ZNF726: variants seen among roughly 807,000 people sequenced by gnomAD.
ZNF726 encodes zinc finger protein 92 pseudogene 3.
In ZNF726, 15 loss-of-function variants were observed where a neutral mutation model predicts 11.6. The ratio of observed to expected loss-of-function variants is 1.29; its 90% confidence interval spans 0.86 to 1.99. The LOEUF (loss-of-function observed/expected upper bound fraction) is 1.99. Among genes scored for constraint, ZNF726 ranks in the 30% most tolerant of loss-of-function variants. The pLI is 0.00. For missense variants in ZNF726, 890 were observed against 725.6 expected (o/e 1.23, Z -2.60); for synonymous variants, 295 against 243.6 (o/e 1.21, Z -1.96).
chr19:23,920,203 A>C lies in ZNF726; in HGVS notation c.226+121A>C. The C allele has an allele frequency of 5.0e-6, 3 of 603,464 alleles. No individual in the cohort carries two copies. In the South Asian group the frequency reaches 5.1e-5, roughly 10 times the overall value. The allele number at this position is 603,464 out of a possible 1,614,324, so 37.4% of individuals were successfully genotyped here. On this transcript the variant is annotated intron_variant, in intron 3 of 3. Coordinates refer to ENST00000594466, the MANE Select transcript of ZNF726 (RefSeq NM_001244038.2). Reference sequence around the variant, plus strand: ...AGGAAACCGTTTCTGGAAAGCCTGAAATTTAAAAAAAAATATACTCTCAGA... The same window carrying C: ...AGGAAACCGTTTCTGGAAAGCCTGACATTTAAAAAAAAATATACTCTCAGA...
chr19:23,919,958 A>G, intron 2 of ZNF726, 29 bp from the exon 3 acceptor site: 2 of 1,482,800 alleles, frequency 1.3e-6, no homozygotes, highest in Non-Finnish European at 9.2e-7. Context: ...TATGAGCAAG[A>G]TTCATGTTAA....
downstream of ZNF726, among the ~76,000 whole-genome samples, chr19:23,937,564 G>A (rs1360896008): frequency 6.7e-6 from 1 of 150,364 alleles, no homozygotes; most frequent in East Asian, 2.0e-4. Context: ...GGGCAGAGAC[G>A]CTCCTCACTT....
At chr19:23,923,316 G>A (rs1334904825) in intron 3 of ZNF726, 1 of 347,356 alleles carries the variant, frequency 2.9e-6, no homozygotes, top group African/African-American at 2.3e-5. Flanking sequence ...TCTTTTAAAT[G>A]CTTATCTATT....
chr19:23,926,148 T>C (rs111809131), intron 3 of ZNF726, among the ~76,000 whole-genome samples: 1,740 of 152,262 alleles, frequency 0.011, 15 homozygotes, highest in Non-Finnish European at 0.017. Context: ...TGTTGAAGTG[T>C]AGTGTAGTTA....
At chr19:23,936,708 C>CT (rs60242417), downstream of ZNF726, among the ~76,000 whole-genome samples, 72 of 146,642 alleles carry the variant, frequency 4.9e-4, no homozygotes, top group South Asian at 7.0e-3. Context: ...GAAAGAAAAA[C>CT]TTTTTTTTTT....
intron 3 of ZNF726, chr19:23,921,294 T>C (rs1967845024): frequency 6.6e-6 from 1 of 152,026 alleles, no homozygotes; most frequent in African/African-American, 2.4e-5. Context: ...AGACTCTCTC[T>C]CGATGTATAT....
rs947140643 is a variant in ZNF726, at chr19:23,933,469, A to C, written c.1353A>C (p.Lys451Asn). ...ATAAGAAAATTCATACTAGAGAGAA[A>C]CCCTACAAATGTGAAGAATGTAGTA... is the stretch of plus-strand genomic sequence containing the variant. ...TEHKKIHTRE[K>N]PYKCEECSKA... Residue 451 changes from lysine (K) to asparagine (N), a missense_variant, in exon 4 of 4, where the codon AAA (lysine) becomes AAC (asparagine). Coordinates refer to ENST00000594466, the MANE Select transcript of ZNF726 (RefSeq NM_001244038.2). 6.2e-7 allele frequency: 1 copy of C among 1,612,352 alleles called. No individual in the cohort carries two copies. Among genetic ancestry groups the C allele is most frequent in the Admixed American group, 1.7e-5 (1 of 59,870 alleles).
In ZNF726 at chr19:23,933,040, T is replaced by G; in HGVS notation, c.924T>G (p.Ile308Met). Residue 308 changes from isoleucine to methionine, a missense_variant, in exon 4 of 4, where the codon ATT becomes ATG. Physicochemically the swap from Ile to Met is conservative, Grantham distance 10. Coordinates refer to ENST00000594466, the MANE Select transcript of ZNF726 (RefSeq NM_001244038.2). ...SALTIHKRMH[I>M]GEKPYKCEEC... ...TAACCATACATAAGAGGATGCACATTGGAGAGAAACCCTACAAATGTGAAG... is the reference window on the plus strand; with the variant it reads ...TAACCATACATAAGAGGATGCACATGGGAGAGAAACCCTACAAATGTGAAG... 6.2e-7 allele frequency: 1 copy of G among 1,613,574 alleles called. No homozygotes were observed. Among genetic ancestry groups the G allele is most frequent in the Non-Finnish European group, 8.5e-7 (1 of 1,179,960 alleles).
At chr19:23,934,498 C>CT (rs1028133503), downstream of ZNF726, 97 of 377,198 alleles carry the variant, frequency 2.6e-4, 1 homozygote, top group South Asian at 1.2e-3. Flanking sequence ...GGAAATCTTT[C>CT]TTTTTTTTCC....
At position 23,932,496 on chromosome 19, in the gene ZNF726, A is replaced by G; in HGVS notation, c.380A>G (p.Lys127Arg). The G allele has an allele frequency of 6.3e-7, 1 of 1,589,018 alleles. No homozygotes were observed. The highest frequency in any genetic ancestry group is 8.5e-7 in the Non-Finnish European group (1 of 1,171,978). ...CKSVDECKVH[K>R]EGYNGLNQCF... ...AGTGTGGATGAGTGTAAGGTACACA[A>G]AGAAGGTTATAATGGACTTAACCAG... Residue 127 changes from lysine (K) to arginine (R), a missense_variant, in exon 4 of 4, where the codon AAA becomes AGA. Transcript: ENST00000594466.
rs767016173 is a variant in ZNF726, at chr19:23,932,459, A to T, written c.343A>T (p.Lys115Ter). 2 of 1,576,522 alleles carry T rather than the reference A, an allele frequency of 1.3e-6. No homozygotes were observed. Among genetic ancestry groups the T allele is most frequent in the Admixed American group, 1.9e-5 (1 of 53,044 alleles). ...KCGHENLQLR[K>*]GCKSVDECKV... ...TGGACATGAGAATTTACAGTTAAGA[A>T]AAGGTTGTAAAAGTGTGGATGAGTG... Residue 115 changes from lysine to a stop codon, truncating the protein, a stop_gained, in exon 4 of 4, where the codon AAA (lysine) becomes TAA (stop). Transcript: ENST00000594466. LOFTEE classifies it low-confidence loss of function (END_TRUNC).
intron 3 of ZNF726, among the ~76,000 whole-genome samples, chr19:23,929,990 C>T (rs62114221): frequency 0.1 from 15,716 of 152,130 alleles, 967 homozygotes; most frequent in Middle Eastern, 0.2. Flanking sequence ...TGTAGAGTCT[C>T]ACTGTATTAC....
intron 1 of ZNF726, among the ~76,000 whole-genome samples, chr19:23,917,080 A>G (rs780921199): frequency 1.3e-5 from 2 of 152,208 alleles, no homozygotes; most frequent in Non-Finnish European, 2.9e-5. Flanking sequence ...TCTCCCAAGT[A>G]GGTGGGATTA....
At chr19:23,920,702 C>T (rs7246756) in intron 3 of ZNF726, 26,683 of 151,958 alleles carry the variant, frequency 0.18, 2,452 homozygotes, top group East Asian at 0.22. Flanking sequence ...TGTGAGCCAC[C>T]GTGCCTGGCC....
At chr19:23,922,703 C>T (rs1187058087) in intron 3 of ZNF726, among the ~76,000 whole-genome samples, 1 of 152,176 alleles carries the variant, frequency 6.6e-6, no homozygotes, top group Non-Finnish European at 1.5e-5. Flanking sequence ...TTTCCTGGAT[C>T]TCAGAGCTCT....
At chr19:23,924,136 C>T (rs186949537) in intron 3 of ZNF726, among the ~76,000 whole-genome samples, 4 of 151,804 alleles carry the variant, frequency 2.6e-5, no homozygotes, top group South Asian at 2.1e-4. Flanking sequence ...CTCTGTCTCC[C>T]GGGTTCAAGT....
Position 23,933,781 on chromosome 19 carries a change from T to G in ZNF726, c.1665T>G (p.His555Gln), listed in dbSNP as rs1218903774. 1.1e-5 allele frequency: 17 copies of G among 1,608,088 alleles called. No homozygotes were observed. The highest frequency in any genetic ancestry group is 8.5e-6 in the Non-Finnish European group (10 of 1,178,374). Residue 555 changes from histidine (H) to glutamine (Q), a missense_variant, in exon 4 of 4, where the codon CAT becomes CAG. His to Gln is a conservative substitution (Grantham distance 24, BLOSUM62 0). Coordinates refer to ENST00000594466, the MANE Select transcript of ZNF726 (RefSeq NM_001244038.2). ...TFNQSSNLST[H>Q]KIIHTGEKPY... is the part of the protein sequence containing the mutation. ...ATCAATCCTCAAATCTTAGTACACA[T>G]AAGATAATTCATACTGGAGAGAAAC...
Position 23,932,797 on chromosome 19 carries a change from G to A in ZNF726, c.681G>A (p.Lys227=), listed in dbSNP as rs780725782. 3.7e-6 allele frequency: 6 copies of A among 1,610,948 alleles called. No individual in the cohort carries two copies. The African/African-American group carries it at 6.7e-5, about 18-fold the overall frequency. Reference sequence around the variant, plus strand: ...ATAAGAAAACTCATACTGAAGAAAAGCCCTACAAATGTGAAGAATATGGCA... The same window carrying A: ...ATAAGAAAACTCATACTGAAGAAAAACCCTACAAATGTGAAGAATATGGCA... The part of the protein sequence containing the change: ...TNHKKTHTEE[K]PYKCEEYGKA... Residue 227 remains lysine (K), a synonymous_variant, in exon 4 of 4, where the codon AAG becomes AAA. Coordinates refer to ENST00000594466, the MANE Select transcript of ZNF726 (RefSeq NM_001244038.2).
chr19:23,918,354 CATTT>C (rs1371642578), intron 1 of ZNF726, among the ~76,000 whole-genome samples: 1 of 152,118 alleles, frequency 6.6e-6, no homozygotes, highest in Non-Finnish European at 1.5e-5. Flanking sequence ...AACAGGATGG[CATTT>C]ATTACCCAGA....
Sources: gnomAD v4.1 joint callset for allele counts (sites outside exome capture counted in the v4.1 genomes callset) on GRCh38, gnomAD v4.1.1 for gene constraint, MANE v1.5 for transcripts, NCBI Gene and HGNC (gene_info 2026-07-23, HGNC 2026-07-21) for gene names.